The following CEACAM4 variants were observed in gnomAD, a reference collection of about 807,000 sequenced individuals.
CEACAM4 encodes CEA cell adhesion molecule 4, also known as cell adhesion molecule CEACAM4.
A neutral mutation model predicts 28.7 loss-of-function variants in CEACAM4; 30 were observed. That is an observed-to-expected ratio of 1.05 (90% confidence interval 0.78 to 1.42). The LOEUF is 1.42. Ranked by LOEUF, CEACAM4 falls within the 40% of genes most tolerant of loss-of-function variation. CEACAM4 has a pLI of 0.00. For missense variants in CEACAM4, 330 were observed against 308.2 expected, an observed-to-expected ratio of 1.07 and a Z score of -0.53; for synonymous variants, 143 against 126.5, an observed-to-expected ratio of 1.13 and a Z score of -0.87.
Position 41,625,748 on chromosome 19 carries a change from C to A in CEACAM4, c.277G>T (p.Ala93Ser). The A allele has an allele frequency of 6.2e-7, 1 of 1,613,988 alleles. No homozygotes were observed. The highest frequency in any genetic ancestry group is 8.5e-7 in the Non-Finnish European group (1 of 1,179,964). ...ACTGTCTCTCGACCACTGTATGCGG[C>A]CCCTGGGATATTTGCTTGAATGTCT... The part of the protein sequence containing the change: ...ITDIQANIPG[A>S]AYSGRETVYP... The change falls in exon 2 of 7, where the codon GCC becomes TCC. Residue 93 changes from alanine to serine, a missense_variant. Ala to Ser is a moderately conservative substitution (Grantham distance 99). Coordinates refer to ENST00000221954, the MANE Select transcript of CEACAM4 (RefSeq NM_001817.4).
At chr19:41,616,452 T>A (rs1417950700), downstream of CEACAM4, among the ~76,000 whole-genome samples, 5 of 152,048 alleles carry the variant, frequency 3.3e-5, no homozygotes, top group African/African-American at 1.2e-4. Flanking sequence ...TTTTGCCTAA[T>A]AAAGCATTCT....
In CEACAM4 at chr19:41,625,862, C is replaced by T; in HGVS notation, c.163G>A (p.Ala55Thr). ...TGAATAGTTTCTGAAATATTGCAGG[C>T]CAGTAGAAGAACATCCTTTCCCTCT... The part of the protein sequence containing the change: ...AAEGKDVLLL[A>T]CNISETIQAY... Residue 55 changes from alanine to threonine, a missense_variant, in exon 2 of 7, where the codon GCC becomes ACC. Ala to Thr is a moderately conservative substitution (Grantham distance 58). Coordinates refer to ENST00000221954, the MANE Select transcript of CEACAM4 (RefSeq NM_001817.4). 3 of 1,613,940 alleles carry T rather than the reference C, an allele frequency of 1.9e-6. No homozygotes were observed. The highest frequency in any genetic ancestry group is 8.5e-7 in the Non-Finnish European group (1 of 1,179,980).
intron 4 of CEACAM4, 48 bp downstream of exon 4, chr19:41,620,527 G>T (rs782477422): frequency 6.5e-7 from 1 of 1,533,758 alleles, no homozygotes; most frequent in Non-Finnish European, 8.9e-7. Context: ...AGTGGACACC[G>T]TAGGGCAGGC....
chr19:41,625,391 C>T lies in CEACAM4; in HGVS notation c.424+210G>A, dbSNP rs551896281. ...TCCCCCTGCTGAGGCCCCCCCGCCCCCGCCATCAGTGTCTGCAGGGCCTGG... is the reference window on the plus strand; with the variant it reads ...TCCCCCTGCTGAGGCCCCCCCGCCCTCGCCATCAGTGTCTGCAGGGCCTGG... On this transcript the variant is annotated intron_variant, in intron 2 of 6. Transcript: ENST00000221954. Among the ~76,000 whole-genome samples the T allele has an allele frequency of 4.9e-4, 75 of 152,290 alleles. 1 individual carries two copies. In the South Asian group the frequency reaches 0.01, roughly 21 times the overall value.
chr19:41,619,672 C>T lies in CEACAM4; in HGVS notation c.667G>A (p.Glu223Lys). ...PSPRTATPIY[E>K]ELLYSDANIY... ...GAACATCCATGGCCCACACTCACCT[C>T]ATAGATGGGAGTGGCTGTTCTGGGG... Residue 223 changes from glutamate to lysine, a missense_variant and splice_region_variant, in exon 6 of 7, where the codon GAG becomes AAG. Coordinates refer to ENST00000221954, the MANE Select transcript of CEACAM4 (RefSeq NM_001817.4). The T allele has an allele frequency of 6.3e-7, 1 of 1,595,432 alleles. No individual in the cohort carries two copies. Among genetic ancestry groups the T allele is most frequent in the Non-Finnish European group, 8.5e-7 (1 of 1,170,656 alleles).
At chr19:41,623,047 C>T (rs181503249) in intron 2 of CEACAM4, among the ~76,000 whole-genome samples, 32 of 152,312 alleles carry the variant, frequency 2.1e-4, no homozygotes, top group African/African-American at 7.7e-4. Context: ...GATGGAATCT[C>T]GCTCTGTTGC....
At position 41,620,162 on chromosome 19, in the gene CEACAM4, G is replaced by A. The variant is rs147388928; in HGVS notation, c.627+49C>T. 7.1e-3 allele frequency: 10,402 copies of A among 1,464,624 alleles called. 55 individuals are homozygous for A. The highest frequency in any genetic ancestry group is 0.018 in the South Asian group (1,363 of 74,984). The allele number at this position is 1,464,624 out of a possible 1,614,324, so 90.7% of individuals were successfully genotyped here. A position where few individuals can be genotyped will look rare whatever the true frequency, so the allele number is the denominator to read the frequency against. On this transcript the variant is annotated intron_variant, in intron 5 of 6. Transcript: ENST00000221954. Reference sequence around the variant, plus strand: ...TTGATGGTCCCCCTGCCCTGAGCCTGCACTGTTGGGACCCCAGTAGAAAAG... The same window carrying A: ...TTGATGGTCCCCCTGCCCTGAGCCTACACTGTTGGGACCCCAGTAGAAAAG...
chr19:41,619,670 C>T lies in CEACAM4; in HGVS notation c.669G>A (p.Glu223=), dbSNP rs373994566. Residue 223 remains glutamate, a splice_region_variant and synonymous_variant, in exon 6 of 7, where the codon GAG becomes GAA. Transcript: ENST00000221954. Reference sequence around the variant, plus strand: ...CAGAACATCCATGGCCCACACTCACCTCATAGATGGGAGTGGCTGTTCTGG... The same window carrying T: ...CAGAACATCCATGGCCCACACTCACTTCATAGATGGGAGTGGCTGTTCTGG... ...PSPRTATPIY[E]ELLYSDANIY... 7.7e-5 allele frequency: 123 copies of T among 1,595,290 alleles called. 1 individual carries two copies. Among genetic ancestry groups the T allele is most frequent in the East Asian group, 4.8e-4 (21 of 44,170 alleles).
chr19:41,619,319 C>T lies in CEACAM4; in HGVS notation c.*11G>A. On this transcript the variant is annotated 3_prime_UTR_variant, in exon 7 of 7. Transcript: ENST00000221954. Reference sequence around the variant, plus strand: ...GCTCCATCAACCCACAAGAGCAGCTCCCAGAGGAACCTAAGAGACCACATC... The same window carrying T: ...GCTCCATCAACCCACAAGAGCAGCTTCCAGAGGAACCTAAGAGACCACATC... The T allele has an allele frequency of 6.2e-7, 1 of 1,612,820 alleles. No individual in the cohort carries two copies. The highest frequency in any genetic ancestry group is 2.2e-5 in the East Asian group (1 of 44,876).
intron 2 of CEACAM4, among the ~76,000 whole-genome samples, chr19:41,624,724 T>G (rs531723486): frequency 2.8e-4 from 42 of 152,298 alleles, no homozygotes; most frequent in African/African-American, 9.6e-4. Flanking sequence ...TGTCTGTATC[T>G]CTCTGTGCCT....
In CEACAM4 at chr19:41,619,194, C is replaced by T. The variant is rs1368926363; in HGVS notation, c.*136G>A. On this transcript the variant is annotated 3_prime_UTR_variant, in exon 7 of 7. Transcript: ENST00000221954. ...AGATATTCAGCAGGGACTCCCATCC[C>T]TCCCTGTCCCCAGGCCTGTGTCTCC... is the stretch of plus-strand genomic sequence containing the variant. 1.2e-5 allele frequency: 9 copies of T among 744,426 alleles called. No individual in the cohort carries two copies. The highest frequency in any genetic ancestry group is 2.1e-5 in the Non-Finnish European group (9 of 427,248). The allele number at this position is 744,426 out of a possible 1,614,324, so 46.1% of individuals were successfully genotyped here.
downstream of CEACAM4, among the ~76,000 whole-genome samples, chr19:41,618,788 G>A (rs922771755): frequency 6.6e-6 from 1 of 152,172 alleles, no homozygotes; most frequent in African/African-American, 2.4e-5. Flanking sequence ...GGGGTAGTGT[G>A]AGGACAGCTG....
At chr19:41,617,057 T>G (rs2070994318), downstream of CEACAM4, among the ~76,000 whole-genome samples, 5 of 152,226 alleles carry the variant, frequency 3.3e-5, no homozygotes, top group African/African-American at 1.2e-4. Context: ...TCTTACACTC[T>G]TTCTCATATA....
In CEACAM4 at chr19:41,620,831, A is replaced by AC. The variant is rs548806626; in HGVS notation, c.543-205dup. Among the ~76,000 whole-genome samples the AC allele has an allele frequency of 6.0e-4, 91 of 151,214 alleles. No individual in the cohort carries two copies. In the South Asian group the frequency reaches 6.7e-3, roughly 11 times the overall value. ...CGTCTGTCCTGGCCAGAGAGGAAGGACCCCCCCAGGCAGATGCCGGGTGAG... is the reference window on the plus strand; with the variant it reads ...CGTCTGTCCTGGCCAGAGAGGAAGGACCCCCCCCAGGCAGATGCCGGGTGAG... On this transcript the variant is annotated intron_variant, in intron 3 of 6. Coordinates refer to ENST00000221954, the MANE Select transcript of CEACAM4 (RefSeq NM_001817.4).
downstream of CEACAM4, among the ~76,000 whole-genome samples, chr19:41,616,056 G>GCCT (rs1555798785): frequency 6.6e-6 from 1 of 152,104 alleles, no homozygotes; most frequent in East Asian, 1.9e-4. Flanking sequence ...TTTAGATGGA[G>GCCT]CCTCACTCTA....
At chr19:41,623,916 C>T (rs782780839) in intron 2 of CEACAM4, among the ~76,000 whole-genome samples, 2 of 152,216 alleles carry the variant, frequency 1.3e-5, no homozygotes, top group South Asian at 2.1e-4. Flanking sequence ...TGGGACTACC[C>T]GCAAGCCTGA....
intron 1 of CEACAM4, among the ~76,000 whole-genome samples, chr19:41,626,242 G>A (rs1330275801): frequency 6.6e-6 from 1 of 152,004 alleles, no homozygotes; most frequent in African/African-American, 2.4e-5. Flanking sequence ...CTCAGATCCT[G>A]CTCACATCAG....
downstream of CEACAM4, among the ~76,000 whole-genome samples, chr19:41,614,758 C>T (rs987568980): frequency 2.0e-5 from 3 of 152,266 alleles, no homozygotes; most frequent in African/African-American, 2.4e-5. Context: ...GTGATTACCA[C>T]GCAAGGCTGA....
Position 41,621,689 on chromosome 19 carries a change from G to T in CEACAM4, c.504C>A (p.Ala168=). ...AGAGAAGCAGAAAACACACCAGGGCGGCCACCAGAGCCACCCCAACCAGGA... is the reference window on the plus strand; with the variant it reads ...AGAGAAGCAGAAAACACACCAGGGCTGCCACCAGAGCCACCCCAACCAGGA... The part of the protein sequence containing the change: ...TGVLVGVALV[A]ALVCFLLLSR... The change falls in exon 3 of 7, where the codon GCC becomes GCA. Residue 168 remains alanine, a synonymous_variant. Coordinates refer to ENST00000221954, the MANE Select transcript of CEACAM4 (RefSeq NM_001817.4). The T allele has an allele frequency of 6.2e-7, 1 of 1,611,638 alleles. No individual in the cohort carries two copies. Among genetic ancestry groups the T allele is most frequent in the South Asian group, 1.1e-5 (1 of 91,030 alleles).
Sources: gnomAD v4.1 joint callset for allele counts (sites outside exome capture counted in the v4.1 genomes callset) on GRCh38, gnomAD v4.1.1 for gene constraint, MANE v1.5 for transcripts, NCBI Gene and HGNC (gene_info 2026-07-23, HGNC 2026-07-21) for gene names.